Variants in PTPRN2 observed in about 807,000 individuals in gnomAD.
PTPRN2 encodes the protein receptor-type tyrosine-protein phosphatase N2.
A neutral mutation model predicts 118.8 loss-of-function variants in PTPRN2; 74 were observed. That is an observed-to-expected ratio of 0.62 (90% CI 0.52 to 0.76). The LOEUF is 0.76. Ranked by LOEUF, PTPRN2 falls within the 30% of genes least tolerant of loss-of-function variation. The pLI, the probability that PTPRN2 is intolerant of heterozygous loss-of-function variation, is 0.00. For synonymous variants in PTPRN2, 641 were observed against 608.0 expected (o/e 1.05, Z -0.80); for missense variants, 1,481 against 1,394.4 (o/e 1.06, Z -0.99).
At chr7:158,388,721 A>G (rs1017813342) in intron 2 of PTPRN2, among the ~76,000 whole-genome samples, 4 of 152,162 alleles carry the variant, frequency 2.6e-5, no homozygotes, top group Admixed American at 6.5e-5. Flanking sequence ...AGGCCCAACC[A>G]TCTAATGGTG....
chr7:157,622,492 G>T lies in PTPRN2; in HGVS notation c.2197-983C>A, dbSNP rs770962257. Among the ~76,000 whole-genome samples the T allele has an allele frequency of 6.6e-6, 1 of 152,106 alleles. No homozygotes were observed. The highest frequency in any genetic ancestry group is 1.5e-5 in the Non-Finnish European group (1 of 68,036). On this transcript the variant is annotated intron_variant, in intron 14 of 22. Coordinates refer to ENST00000389418, the MANE Select transcript of PTPRN2 (RefSeq NM_002847.5). The surrounding 1 kb of genome is among the most constrained non-coding windows in gnomAD (Gnocchi z 5.3). ...GGTCCCTCCCTGCCCACTGGGGCCC[G>T]TTCCAGGAGACAGGTAGAGAAAGAG...
chr7:158,322,436 C>T (rs1407385227), intron 2 of PTPRN2, among the ~76,000 whole-genome samples: 1 of 151,726 alleles, frequency 6.6e-6, no homozygotes, highest in Non-Finnish European at 1.5e-5. Context: ...ATCGAGGACA[C>T]TCCAGGCTAA....
At position 157,603,411 on chromosome 7, in the gene PTPRN2, A is replaced by G. The variant is rs889782013; in HGVS notation, c.2418+591T>C. On this transcript the variant is annotated intron_variant, in intron 16 of 22. Transcript: ENST00000389418. This position sits in a 1 kb window ranked among gnomAD's most constrained non-coding sequence, Gnocchi z 5.4. ...GGACCACAGGCCACAGGGACTCATA[A>G]CTCACGGCACAGGAGCTGCCACCAC... 2.0e-5 allele frequency among the ~76,000 whole-genome samples: 3 copies of G among 152,052 alleles called. No individual in the cohort carries two copies. Among genetic ancestry groups the G allele is most frequent in the Non-Finnish European group, 4.4e-5 (3 of 67,990 alleles).
chr7:158,330,732 A>G (rs1278849831), intron 2 of PTPRN2, among the ~76,000 whole-genome samples: 1 of 115,554 alleles, frequency 8.7e-6, no homozygotes, highest in South Asian at 3.3e-4. Flanking sequence ...ACACGTGCAG[A>G]CGTCACTCAC....
rs1194722774 is a variant in PTPRN2, at chr7:158,549,570, G to A, written c.112+37988C>T. ...CTCCTTTGCAAAAGCAAAGTCCTGC[G>A]GAGGCTGGGCTTCGCCTGAGCGCTC... On this transcript the variant is annotated intron_variant, in intron 1 of 22. Transcript: ENST00000389418. Among the ~76,000 whole-genome samples the A allele has an allele frequency of 2.0e-5, 3 of 152,264 alleles. No individual in the cohort carries two copies. The East Asian group carries it at 5.8e-4, about 29-fold the overall frequency.
chr7:158,112,501 G>A lies in PTPRN2; in HGVS notation c.1557-1586C>T, dbSNP rs142453615. On this transcript the variant is annotated intron_variant, in intron 9 of 22. Transcript: ENST00000389418. ...CCTGAGCTGGCCACCACGGCTGTCC[G>A]GTGGGGAGCCTGGGGATCTGGAGGG... Among the ~76,000 whole-genome samples the A allele has an allele frequency of 1.2e-3, 183 of 152,322 alleles. 1 individual carries two copies. Among genetic ancestry groups the A allele is most frequent in the African/African-American group, 4.1e-3 (170 of 41,578 alleles).
intron 20 of PTPRN2, 99 bp from the exon 21 acceptor site, chr7:157,569,065 GC>G: frequency 4.3e-6 from 5 of 1,153,966 alleles, no homozygotes; most frequent in Non-Finnish European, 6.4e-6. Flanking sequence ...GCTTACGGGG[GC>G]CGGCGAGAGG....
At chr7:158,488,547 C>G (rs999063985) in intron 2 of PTPRN2, among the ~76,000 whole-genome samples, 2 of 152,216 alleles carry the variant, frequency 1.3e-5, no homozygotes, top group Admixed American at 6.5e-5. Context: ...ACGAGCTCCT[C>G]GGTTTCGCTT....
chr7:157,733,332 T>C lies in PTPRN2; in HGVS notation c.1789-50395A>G, dbSNP rs865865181. Among the ~76,000 whole-genome samples the C allele has an allele frequency of 7.5e-3, 205 of 27,234 alleles. 30 individuals carry two copies. Among genetic ancestry groups the C allele is most frequent in the Admixed American group, 0.048 (143 of 2,982 alleles). 17.9% of individuals were successfully genotyped at this position (27,234 alleles called of 152,430 possible). A position where few individuals can be genotyped will look rare whatever the true frequency, so the allele number is the denominator to read the frequency against. ...CGTCCCACGCGCCCAGCACAGTTAC[T>C]CTTTTCCGTCCCATGCGCCCAGCAC... On this transcript the variant is annotated intron_variant, in intron 12 of 22. Transcript: ENST00000389418.
intron 3 of PTPRN2, among the ~76,000 whole-genome samples, chr7:158,240,730 G>A (rs1189988235): frequency 6.6e-6 from 1 of 152,168 alleles, no homozygotes; most frequent in Admixed American, 6.5e-5. Context: ...GCCTGGGCAG[G>A]TGTTTGGTCT....
intron 12 of PTPRN2, among the ~76,000 whole-genome samples, chr7:157,758,062 G>A (rs1300215688): frequency 6.6e-6 from 1 of 152,180 alleles, no homozygotes; most frequent in African/African-American, 2.4e-5. Flanking sequence ...GGGGGACGCG[G>A]TCTCGGGACT....
intron 14 of PTPRN2, among the ~76,000 whole-genome samples, chr7:157,641,765 G>T (rs894757116): frequency 2.0e-5 from 3 of 152,126 alleles, no homozygotes; most frequent in African/African-American, 7.2e-5. Context: ...CCCACCTTCT[G>T]CAAACGTACA....
intron 9 of PTPRN2, among the ~76,000 whole-genome samples, chr7:158,131,201 C>G (rs143248196): frequency 6.6e-6 from 1 of 151,772 alleles, no homozygotes; most frequent in South Asian, 2.1e-4. Flanking sequence ...GACATACACA[C>G]TCATATACAC....
At position 157,598,821 on chromosome 7, in the gene PTPRN2, C is replaced by T. The variant is rs145489164; in HGVS notation, c.2419-3506G>A. 6.3e-4 allele frequency among the ~76,000 whole-genome samples: 96 copies of T among 152,222 alleles called. 1 individual carries two copies. In the East Asian group the frequency reaches 0.017, roughly 27 times the overall value. On this transcript the variant is annotated intron_variant, in intron 16 of 22. Transcript: ENST00000389418. The surrounding 1 kb of genome is among the most constrained non-coding windows in gnomAD (Gnocchi z 5.2). ...AGCTGCTGTGTCCTCCAGTGGTGTG[C>T]GGGGCCAAGCATCTGAATGGCGAGG...
chr7:157,835,118 T>C (rs967566164), intron 12 of PTPRN2, among the ~76,000 whole-genome samples: 11 of 151,982 alleles, frequency 7.2e-5, no homozygotes, highest in Non-Finnish European at 1.6e-4. Flanking sequence ...GAAAATATGG[T>C]TTCAGTAAGA....
chr7:158,065,953 G>A (rs1001367583), intron 11 of PTPRN2, among the ~76,000 whole-genome samples: 1 of 152,208 alleles, frequency 6.6e-6, no homozygotes, highest in Non-Finnish European at 1.5e-5. Context: ...AGGAATGCAT[G>A]CAAAGAGTTT....
At chr7:157,720,243 T>G (rs910391282) in intron 12 of PTPRN2, among the ~76,000 whole-genome samples, 3 of 152,118 alleles carry the variant, frequency 2.0e-5, no homozygotes, top group African/African-American at 7.2e-5. Context: ...TGGAACTGAA[T>G]TTCCTTAGGT....
At chr7:157,725,559 G>A (rs59733284) in intron 12 of PTPRN2, among the ~76,000 whole-genome samples, 234 of 117,686 alleles carry the variant, frequency 2.0e-3, no homozygotes, top group African/African-American at 8.2e-3. Flanking sequence ...ATATCCACAC[G>A]CAGAGGAGTG....
intron 11 of PTPRN2, among the ~76,000 whole-genome samples, chr7:157,902,718 G>A (rs530281151): frequency 1.3e-5 from 2 of 152,322 alleles, no homozygotes; most frequent in Admixed American, 6.5e-5. Context: ...ATGCCGATGC[G>A]AGAGTGAGGC....
Sources: gnomAD v4.1 joint callset for allele counts (sites outside exome capture counted in the v4.1 genomes callset) on GRCh38, gnomAD v4.1.1 for gene constraint, Gnocchi (gnomAD v3.1) non-coding constraint, MANE v1.5 for transcripts, NCBI Gene and HGNC (gene_info 2026-07-23, HGNC 2026-07-21) for gene names.